Variants in UNC5C observed in about 807,000 individuals in gnomAD.
UNC5C encodes netrin receptor UNC5C.
In UNC5C, 47 loss-of-function variants were observed where a neutral mutation model predicts 99.8. The observed-to-expected ratio is 0.47, with a 90% confidence interval of 0.37 to 0.60. The LOEUF is 0.60. Among genes scored for constraint, UNC5C ranks in the 20% least tolerant of loss-of-function variants. The pLI is 0.00. For synonymous variants in UNC5C, 487 were observed against 452.2 expected (o/e 1.08, Z -0.98); for missense variants, 1,062 against 1,165.9 (o/e 0.91, Z 1.30).
intron 1 of UNC5C, among the ~76,000 whole-genome samples, chr4:95,387,350 G>A (rs1745241397): frequency 6.6e-6 from 1 of 152,148 alleles, no homozygotes; most frequent in African/African-American, 2.4e-5. Flanking sequence ...ATGTTGCCCA[G>A]GCTGGTCTCG....
chr4:95,421,612 T>G (rs1045874037), intron 1 of UNC5C, among the ~76,000 whole-genome samples: 1 of 101,598 alleles, frequency 9.8e-6, no homozygotes, highest in African/African-American at 3.7e-5. Flanking sequence ...TACTATACAC[T>G]CTCTTTTACA....
Position 95,185,041 on chromosome 4 carries a change from C to A in UNC5C, c.2286+6G>T, listed in dbSNP as rs912613412. 3 of 1,609,192 alleles carry A rather than the reference C, an allele frequency of 1.9e-6. No homozygotes were observed. Among genetic ancestry groups the A allele is most frequent in the Non-Finnish European group, 2.5e-6 (3 of 1,178,498 alleles). On this transcript the variant is annotated splice_donor_region_variant and intron_variant, in intron 13 of 15. Coordinates refer to ENST00000453304, the MANE Select transcript of UNC5C (RefSeq NM_003728.4). ...CCAGACCTTTTGTTCGGCTTGGGAA[C>A]CTTACCTGATATTTAGCCAGCAATT... is the stretch of plus-strand genomic sequence containing the variant.
At chr4:95,198,956 T>TAAGA (rs1737543831) in intron 12 of UNC5C, among the ~76,000 whole-genome samples, 1 of 152,008 alleles carries the variant, frequency 6.6e-6, no homozygotes, top group Non-Finnish European at 1.5e-5. Flanking sequence ...CAGGGAGTAT[T>TAAGA]AAGAAAATAA....
At position 95,301,652 on chromosome 4, in the gene UNC5C, G is replaced by A. The variant is rs1188110945; in HGVS notation, c.444C>T (p.Ser148=). The A allele has an allele frequency of 5.0e-6, 8 of 1,613,892 alleles. No individual in the cohort carries two copies. The Admixed American group carries it at 1.0e-4, about 20-fold the overall frequency. Residue 148 remains serine, a synonymous_variant, in exon 3 of 16, where the codon AGC becomes AGT. Coordinates refer to ENST00000453304, the MANE Select transcript of UNC5C (RefSeq NM_003728.4). ...TCCGGCTCTTTGTGGTACCCGCGGA[G>A]CTCCAGGCCACACACTGGCACCAGT... ...EDYWCQCVAW[S]SAGTTKSRKA...
chr4:95,235,319 CA>C (rs1739068420), intron 7 of UNC5C, among the ~76,000 whole-genome samples: 1 of 151,958 alleles, frequency 6.6e-6, no homozygotes, highest in African/African-American at 2.4e-5. Flanking sequence ...GAATAGAAAG[CA>C]TATAGGGTTG....
At chr4:95,503,573 A>G (rs1284929082) in intron 1 of UNC5C, among the ~76,000 whole-genome samples, 2 of 152,026 alleles carry the variant, frequency 1.3e-5, no homozygotes, top group Non-Finnish European at 2.9e-5. Context: ...CCTTTTTTCT[A>G]ATATCATCTG....
intron 1 of UNC5C, among the ~76,000 whole-genome samples, chr4:95,411,846 C>A (rs1234960894): frequency 6.6e-6 from 1 of 152,140 alleles, no homozygotes; most frequent in East Asian, 1.9e-4. Context: ...CGGCCCTCTC[C>A]TGCCTGTATC....
rs942621656 is a variant in UNC5C, at chr4:95,247,675, C to A, written c.776-2531G>T. ...TACTCCTATGACCCAATATTCCTGA[C>A]CCCAGTCCAAAGCTATTTCCTTAAT... is the stretch of plus-strand genomic sequence containing the variant. On this transcript the variant is annotated intron_variant, in intron 5 of 15. Coordinates refer to ENST00000453304, the MANE Select transcript of UNC5C (RefSeq NM_003728.4). Among the ~76,000 whole-genome samples, 9 of 152,290 alleles carry A rather than the reference C, an allele frequency of 5.9e-5. No individual in the cohort carries two copies. In the South Asian group the frequency reaches 1.2e-3, roughly 21 times the overall value.
chr4:95,547,901 C>T (rs772313799), intron 1 of UNC5C, among the ~76,000 whole-genome samples: 1 of 152,256 alleles, frequency 6.6e-6, no homozygotes, highest in Non-Finnish European at 1.5e-5. Context: ...CCCAACCCGG[C>T]TTCGCCCAGG....
intron 1 of UNC5C, among the ~76,000 whole-genome samples, chr4:95,408,759 CAA>C (rs1745895597): frequency 6.6e-6 from 1 of 152,044 alleles, no homozygotes; most frequent in Non-Finnish European, 1.5e-5. Context: ...AAAATATATA[CAA>C]GAGAGATTTT....
chr4:95,440,679 C>T (rs940916496), intron 1 of UNC5C, among the ~76,000 whole-genome samples: 1 of 151,462 alleles, frequency 6.6e-6, no homozygotes. Context: ...AGACCTGACA[C>T]CGAAAAAAAA....
chr4:95,241,112 G>C (rs942847088), intron 7 of UNC5C, among the ~76,000 whole-genome samples: 4 of 152,126 alleles, frequency 2.6e-5, no homozygotes, highest in African/African-American at 9.6e-5. Context: ...ATGTTAAAAA[G>C]ACTAACTTGT....
intron 1 of UNC5C, among the ~76,000 whole-genome samples, chr4:95,533,261 T>C (rs192754917): frequency 8.0e-4 from 122 of 151,994 alleles, no homozygotes; most frequent in South Asian, 2.9e-3. Context: ...TAGCTGGGCA[T>C]GGTGGCGGGC....
intron 1 of UNC5C, among the ~76,000 whole-genome samples, chr4:95,537,282 T>C (rs10032931): frequency 0.69 from 105,264 of 152,070 alleles, 36,838 homozygotes; most frequent in Middle Eastern, 0.81. Flanking sequence ...ACAAAGCTTA[T>C]CCACAAGCTA....
chr4:95,236,061 T>C (rs1295872020), intron 7 of UNC5C, among the ~76,000 whole-genome samples: 2 of 152,200 alleles, frequency 1.3e-5, no homozygotes, highest in Non-Finnish European at 2.9e-5. Context: ...AAATACCATT[T>C]GACCCAACCA....
At chr4:95,539,095 A>C (rs1020960841) in intron 1 of UNC5C, among the ~76,000 whole-genome samples, 8 of 152,214 alleles carry the variant, frequency 5.3e-5, no homozygotes, top group African/African-American at 1.9e-4. Context: ...CCCACATGAG[A>C]GGTCACCTCA....
intron 1 of UNC5C, among the ~76,000 whole-genome samples, chr4:95,384,488 G>A (rs1745154919): frequency 6.6e-6 from 1 of 152,152 alleles, no homozygotes; most frequent in African/African-American, 2.4e-5. Context: ...CGTTCCAGGA[G>A]GGGGCTGAGC....
intron 1 of UNC5C, among the ~76,000 whole-genome samples, chr4:95,374,081 G>A (rs1160347051): frequency 6.6e-6 from 1 of 152,034 alleles, no homozygotes; most frequent in African/African-American, 2.4e-5. Context: ...TAAGAAAACA[G>A]GAAGGAGATG....
chr4:95,237,275 A>G (rs1053890628), intron 7 of UNC5C, among the ~76,000 whole-genome samples: 2 of 152,170 alleles, frequency 1.3e-5, no homozygotes. Context: ...TATGCATTCA[A>G]GTAGAATTAT....
Sources: gnomAD v4.1 joint callset for allele counts (sites outside exome capture counted in the v4.1 genomes callset) on GRCh38, gnomAD v4.1.1 for gene constraint, MANE v1.5 for transcripts, NCBI Gene and HGNC (gene_info 2026-07-23, HGNC 2026-07-21) for gene names.